The following TSNAX variants were observed in gnomAD, a reference collection of about 807,000 sequenced individuals.
The protein encoded by TSNAX is translin-associated protein X.
In TSNAX, 12 loss-of-function variants were observed where a neutral mutation model predicts 33.0. The ratio of observed to expected loss-of-function variants is 0.36; its 90% CI spans 0.23 to 0.59. The LOEUF is 0.59. Among genes scored for constraint, TSNAX ranks in the 20% least tolerant of loss-of-function variants. TSNAX has a pLI of 0.74. For synonymous variants in TSNAX, 110 were observed against 117.2 expected (o/e 0.94, Z 0.40); for missense variants, 267 against 341.3 (o/e 0.78, Z 1.72).
intron 4 of TSNAX, among the ~76,000 whole-genome samples, chr1:231,560,037 T>C (rs1327827551): frequency 6.6e-6 from 1 of 151,554 alleles, no homozygotes; most frequent in Admixed American, 6.6e-5. Context: ...CGCAGTGCAG[T>C]GGCATGATCT....
In TSNAX at chr1:231,544,102, A is replaced by C. The variant is rs1247211075; in HGVS notation, c.367+1491A>C. ...TTCAGACAGAGTAGTCCTGCTATAC[A>C]TAAGTTAGGTATGCGTGTGTAATCT... On this transcript the variant is annotated intron_variant, in intron 4 of 5. Coordinates refer to ENST00000366639, the MANE Select transcript of TSNAX (RefSeq NM_005999.3). 1.3e-4 allele frequency among the ~76,000 whole-genome samples: 20 copies of C among 152,208 alleles called. 1 individual carries two copies. Among genetic ancestry groups the C allele is most frequent in the Admixed American group, 1.3e-3 (20 of 15,282 alleles).
chr1:231,528,782 C>T lies in TSNAX; in HGVS notation c.-29C>T, dbSNP rs1287220109. Reference sequence around the variant, plus strand: ...CCTCTTGCTCCAGGTCCTTCAGTCTCCGCTCGTCTCACCGTAGGCTGTGAC... The same window carrying T: ...CCTCTTGCTCCAGGTCCTTCAGTCTTCGCTCGTCTCACCGTAGGCTGTGAC... On this transcript the variant is annotated 5_prime_UTR_variant, in exon 1 of 6. Transcript: ENST00000366639. 2 of 1,614,128 alleles carry T rather than the reference C, an allele frequency of 1.2e-6. No individual in the cohort carries two copies. The highest frequency in any genetic ancestry group is 3.3e-5 in the Admixed American group (2 of 60,030).
chr1:231,547,841 CTTT>C (rs35520639), intron 4 of TSNAX, among the ~76,000 whole-genome samples: 4 of 123,908 alleles, frequency 3.2e-5, no homozygotes, highest in Non-Finnish European at 3.4e-5. Flanking sequence ...CCATTGCTTT[CTTT>C]TTTTTTTTTT....
At chr1:231,560,366 A>G (rs1371268528) in intron 4 of TSNAX, among the ~76,000 whole-genome samples, 11 of 139,120 alleles carry the variant, frequency 7.9e-5, no homozygotes, top group Non-Finnish European at 1.5e-4. Flanking sequence ...TATAATTTTT[A>G]TTAAAGCCTA....
intron 5 of TSNAX, 43 bp from the exon 6 acceptor site, chr1:231,564,481 TTGTG>T (rs375928396): frequency 2.0e-5 from 30 of 1,522,488 alleles, no homozygotes; most frequent in Middle Eastern, 1.8e-4. Flanking sequence ...GTGTTCTTTC[TTGTG>T]TGTGTGTGTG....
rs892997602 is a variant in TSNAX at position 231,566,439 on chromosome 1, G to T, written c.*1534G>T. ...CTGGGTTTTATTTTTTGAAAGATTAGCTCTGTTTGTAAGGGCTGATTCCTT... is the reference window on the plus strand; with the variant it reads ...CTGGGTTTTATTTTTTGAAAGATTATCTCTGTTTGTAAGGGCTGATTCCTT... On this transcript the variant is annotated 3_prime_UTR_variant, in exon 6 of 6. Coordinates refer to ENST00000366639, the MANE Select transcript of TSNAX (RefSeq NM_005999.3). 2.0e-5 allele frequency: 3 copies of T among 152,288 alleles called. No homozygotes were observed. The highest frequency in any genetic ancestry group is 4.4e-5 in the Non-Finnish European group (3 of 68,020). The allele number at this position is 152,288 out of a possible 1,614,324, so 9.4% of individuals were successfully genotyped here.
chr1:231,551,934 G>C (rs1660329078), intron 4 of TSNAX, among the ~76,000 whole-genome samples: 1 of 152,134 alleles, frequency 6.6e-6, no homozygotes, highest in Non-Finnish European at 1.5e-5. Flanking sequence ...TGAGGCTGCA[G>C]TGAGCCACGA....
At chr1:231,561,017 T>A in intron 4 of TSNAX, 111 bp from the exon 5 acceptor site, 1 of 1,034,822 alleles carries the variant, frequency 9.7e-7, no homozygotes, top group Non-Finnish European at 1.4e-6. Flanking sequence ...GTAGTAGGCA[T>A]CCATTAAGCT....
At chr1:231,530,750 T>C (rs1403578424) in intron 2 of TSNAX, among the ~76,000 whole-genome samples, 2 of 145,752 alleles carry the variant, frequency 1.4e-5, no homozygotes, top group Non-Finnish European at 3.0e-5. Context: ...TAGTTGGTCG[T>C]AGTGGGAGGT....
At chr1:231,558,058 C>A (rs1040744712) in intron 4 of TSNAX, among the ~76,000 whole-genome samples, 5 of 152,190 alleles carry the variant, frequency 3.3e-5, no homozygotes, top group Admixed American at 2.6e-4. Context: ...AGAACCCAAC[C>A]CTCACCCTTC....
intron 4 of TSNAX, among the ~76,000 whole-genome samples, chr1:231,544,191 G>A (rs1367322184): frequency 1.3e-5 from 2 of 152,158 alleles, no homozygotes; most frequent in African/African-American, 4.8e-5. Context: ...TTAGTTTCTG[G>A]AAAGTGCTTG....
intron 4 of TSNAX, among the ~76,000 whole-genome samples, chr1:231,559,896 G>A (rs144750283): frequency 1.5e-3 from 219 of 150,640 alleles, no homozygotes; most frequent in African/African-American, 5.3e-3. Flanking sequence ...AAAGATAAAC[G>A]GTATTTTGAC....
intron 2 of TSNAX, chr1:231,536,210 C>T (rs1659160774): frequency 6.6e-6 from 1 of 152,146 alleles, no homozygotes; most frequent in Non-Finnish European, 1.5e-5. Flanking sequence ...AAAACTAACT[C>T]ATGTAGTGAT....
In TSNAX at chr1:231,564,848, G is replaced by A. The variant is rs1334023152; in HGVS notation, c.816G>A (p.Leu272=). 6.2e-6 allele frequency: 10 copies of A among 1,614,000 alleles called. No homozygotes were observed. In the Admixed American group the frequency reaches 1.5e-4, roughly 24 times the overall value. Residue 272 remains leucine, a synonymous_variant, in exon 6 of 6, where the codon TTG becomes TTA. Coordinates refer to ENST00000366639, the MANE Select transcript of TSNAX (RefSeq NM_005999.3). ...VRGSEIPKHM[L]ADVFSVKTEM... Reference sequence around the variant, plus strand: ...GGTCAGAAATTCCAAAACATATGTTGGCAGATGTGTTTTCAGTTAAAACAG... The same window carrying A: ...GGTCAGAAATTCCAAAACATATGTTAGCAGATGTGTTTTCAGTTAAAACAG...
chr1:231,538,931 CAAAAAA>C (rs548749042), intron 3 of TSNAX, among the ~76,000 whole-genome samples: 2 of 62,212 alleles, frequency 3.2e-5, no homozygotes, highest in Non-Finnish European at 7.0e-5. Context: ...GACCCTGTCT[CAAAAAA>C]AAAAAAAAAA....
At chr1:231,537,143 A>T in intron 2 of TSNAX, 70 bp from the exon 3 acceptor site, 4 of 1,234,424 alleles carry the variant, frequency 3.2e-6, no homozygotes, top group South Asian at 1.4e-5. Context: ...TGTGACGTAC[A>T]TCTTAAAAAT....
At chr1:231,546,223 A>T (rs550324649) in intron 4 of TSNAX, among the ~76,000 whole-genome samples, 38 of 152,338 alleles carry the variant, frequency 2.5e-4, no homozygotes, top group African/African-American at 9.1e-4. Flanking sequence ...CTCCCGAAAT[A>T]CAAATGTTGA....
chr1:231,553,528 C>T (rs1250650706), intron 4 of TSNAX, among the ~76,000 whole-genome samples: 1 of 152,178 alleles, frequency 6.6e-6, no homozygotes, highest in Non-Finnish European at 1.5e-5. Context: ...GGATTATTCA[C>T]TGAAAATAGC....
At chr1:231,556,608 T>A (rs1321461335) in intron 4 of TSNAX, among the ~76,000 whole-genome samples, 5 of 152,216 alleles carry the variant, frequency 3.3e-5, no homozygotes, top group Non-Finnish European at 7.3e-5. Context: ...TTATCCTGTT[T>A]GTTGAATTTA....
Sources: allele counts gnomAD v4.1 joint callset (sites outside exome capture counted in the v4.1 genomes callset), GRCh38; gene constraint gnomAD v4.1.1; transcripts MANE v1.5; gene names NCBI Gene and HGNC (gene_info 2026-07-23, HGNC 2026-07-21).